BPGM: variants seen among roughly 807,000 people sequenced by gnomAD.
The protein encoded by BPGM is 2,3-bisphosphoglycerate mutase, erythrocyte.
In BPGM, 15 loss-of-function variants were observed where a neutral mutation model predicts 21.6. The observed-to-expected ratio is 0.70, with a 90% CI of 0.47 to 1.07. The LOEUF (loss-of-function observed/expected upper bound fraction) is 1.07, where lower values mean the gene tolerates loss of function less well. Ranked by LOEUF, BPGM falls within the 50% of genes least tolerant of loss-of-function variation. The pLI, the probability that BPGM is intolerant of heterozygous loss-of-function variation, is 0.00. For synonymous variants in BPGM, 113 were observed against 116.2 expected (o/e 0.97, Z 0.18); for missense variants, 273 against 319.0 (o/e 0.86, Z 1.10).
chr7:134,679,269 T>A lies in BPGM; in HGVS notation c.*238T>A. 1.9e-6 allele frequency: 1 copy of A among 531,568 alleles called. No homozygotes were observed. The highest frequency in any genetic ancestry group is 3.4e-6 in the Non-Finnish European group (1 of 296,634). The allele number at this position is 531,568 out of a possible 1,614,324, so 32.9% of individuals were successfully genotyped here. A position where few individuals can be genotyped will look rare whatever the true frequency, so the allele number is the denominator to read the frequency against. The stretch of plus-strand genomic sequence containing the variant: ...GCCCCCTAGTCGGTCACCAAACTAG[T>A]AACTAGTGGGGCTTAATGAAGGTCA... On this transcript the variant is annotated 3_prime_UTR_variant, in exon 3 of 3. Transcript: ENST00000344924.
At chr7:134,668,680 AT>A (rs1371174953) in intron 2 of BPGM, among the ~76,000 whole-genome samples, 1 of 152,156 alleles carries the variant, frequency 6.6e-6, no homozygotes, top group African/African-American at 2.4e-5. Flanking sequence ...TCCTGGTCAT[AT>A]TTTTTATTTC....
chr7:134,667,371 A>G (rs1309638200), intron 2 of BPGM, among the ~76,000 whole-genome samples: 2 of 152,178 alleles, frequency 1.3e-5, no homozygotes, highest in Non-Finnish European at 2.9e-5. Flanking sequence ...TTTACTTTCA[A>G]AAGTGCCCCA....
chr7:134,648,219 T>A (rs1336063227), intron 1 of BPGM, among the ~76,000 whole-genome samples: 1 of 149,306 alleles, frequency 6.7e-6, no homozygotes, highest in African/African-American at 2.5e-5. Flanking sequence ...CACCGCAACC[T>A]CCGCCTCCTG....
chr7:134,651,421 C>T (rs1295767420), intron 1 of BPGM, among the ~76,000 whole-genome samples: 3 of 152,050 alleles, frequency 2.0e-5, no homozygotes, highest in Non-Finnish European at 4.4e-5. Flanking sequence ...GTTTGGAAGA[C>T]AGGATGAGCC....
intron 1 of BPGM, among the ~76,000 whole-genome samples, chr7:134,658,892 A>ATTTTTTTTTT (rs1554411129): frequency 2.1e-5 from 3 of 143,900 alleles, no homozygotes; most frequent in African/African-American, 7.9e-5. Flanking sequence ...GTGTGTGTGT[A>ATTTTTTTTTT]TTTTTTTTTT....
chr7:134,669,475 T>G (rs1795871613), intron 2 of BPGM, among the ~76,000 whole-genome samples: 1 of 152,148 alleles, frequency 6.6e-6, no homozygotes. Context: ...CATCCCCTCC[T>G]TTTTCTCTTG....
intron 1 of BPGM, among the ~76,000 whole-genome samples, chr7:134,648,260 C>T (rs74694814): frequency 1.3e-5 from 2 of 151,638 alleles, no homozygotes; most frequent in Non-Finnish European, 1.5e-5. Context: ...CTCAGCCTCC[C>T]GAGTAGCTGG....
chr7:134,648,904 G>A (rs1394113700), intron 1 of BPGM, among the ~76,000 whole-genome samples: 1 of 152,190 alleles, frequency 6.6e-6, no homozygotes, highest in Non-Finnish European at 1.5e-5. Flanking sequence ...TAGTATACAA[G>A]CAGAATCTCA....
chr7:134,663,680 C>T (rs1795771893), intron 2 of BPGM, among the ~76,000 whole-genome samples: 1 of 152,118 alleles, frequency 6.6e-6, no homozygotes, highest in Non-Finnish European at 1.5e-5. Flanking sequence ...GGCCAGGCTC[C>T]CTTCTCTCAA....
intron 1 of BPGM, among the ~76,000 whole-genome samples, chr7:134,652,295 G>A (rs1213300487): frequency 6.6e-6 from 1 of 152,002 alleles, no homozygotes; most frequent in Non-Finnish European, 1.5e-5. Flanking sequence ...GCATATTGAG[G>A]GCTTCTGGCC....
At chr7:134,650,909 AGT>A (rs1795545816) in intron 1 of BPGM, among the ~76,000 whole-genome samples, 2 of 152,224 alleles carry the variant, frequency 1.3e-5, no homozygotes, top group Non-Finnish European at 2.9e-5. Context: ...TGGGCGACAG[AGT>A]GAGACTGCGT....
intron 1 of BPGM, chr7:134,660,766 T>A (rs1425928267): frequency 3.3e-5 from 5 of 152,366 alleles, no homozygotes; most frequent in African/African-American, 1.2e-4. Flanking sequence ...TTGAGGTAGG[T>A]GCAAGATTAT....
chr7:134,672,253 ATTTAACACAGACTTAAAGAC>A (rs1024575124), intron 2 of BPGM, among the ~76,000 whole-genome samples: 12 of 151,180 alleles, frequency 7.9e-5, no homozygotes, highest in South Asian at 4.2e-4. Flanking sequence ...GACTTTAAGT[ATTTAACACAGACTTAAAGAC>A]TTTAACACAG....
chr7:134,648,148 GTTTTC>G (rs1795495356), intron 1 of BPGM, among the ~76,000 whole-genome samples: 2 of 144,376 alleles, frequency 1.4e-5, no homozygotes, highest in Non-Finnish European at 3.0e-5. Context: ...TTTTTGTTTT[GTTTTC>G]AGACGGAGTT....
Position 134,679,185 on chromosome 7 carries a change from T to G in BPGM, c.*154T>G. 1.2e-6 allele frequency: 1 copy of G among 857,988 alleles called. No homozygotes were observed. Among genetic ancestry groups the G allele is most frequent in the East Asian group, 2.7e-5 (1 of 37,702 alleles). The allele number at this position is 857,988 out of a possible 1,614,324, so 53.1% of individuals were successfully genotyped here. A position where few individuals can be genotyped will look rare whatever the true frequency, so the allele number is the denominator to read the frequency against. ...ACTAGGTAACTTATTGTGGCCCAGATAAGGCTTTAGGATGCCTCAGTGCTT... is the reference window on the plus strand; with the variant it reads ...ACTAGGTAACTTATTGTGGCCCAGAGAAGGCTTTAGGATGCCTCAGTGCTT... On this transcript the variant is annotated 3_prime_UTR_variant, in exon 3 of 3. Transcript: ENST00000344924.
At chr7:134,655,851 T>TAG (rs1305577866) in intron 1 of BPGM, among the ~76,000 whole-genome samples, 1 of 152,198 alleles carries the variant, frequency 6.6e-6, no homozygotes, top group African/African-American at 2.4e-5. Flanking sequence ...GTTCTAGAGA[T>TAG]ACAGCAGTAA....
chr7:134,664,279 T>C (rs564062464), intron 2 of BPGM, among the ~76,000 whole-genome samples: 2 of 152,258 alleles, frequency 1.3e-5, no homozygotes, highest in East Asian at 1.9e-4. Context: ...CAAATCAAGG[T>C]GTGAGCAGGG....
chr7:134,668,606 C>T (rs1445236815), intron 2 of BPGM, among the ~76,000 whole-genome samples: 3 of 152,180 alleles, frequency 2.0e-5, no homozygotes, highest in African/African-American at 7.2e-5. Flanking sequence ...GGAACTAGAA[C>T]ATGGCTCTGA....
At chr7:134,669,666 T>C (rs1795874576) in intron 2 of BPGM, among the ~76,000 whole-genome samples, 1 of 152,198 alleles carries the variant, frequency 6.6e-6, no homozygotes, top group Admixed American at 6.5e-5. Flanking sequence ...GGATGACCTC[T>C]CCCCTGTCAA....
Sources: allele counts gnomAD v4.1 joint callset (sites outside exome capture counted in the v4.1 genomes callset), GRCh38; gene constraint gnomAD v4.1.1; transcripts MANE v1.5; gene names NCBI Gene and HGNC (gene_info 2026-07-23, HGNC 2026-07-21).